R3HDM1: variants seen among roughly 807,000 people sequenced by gnomAD.
R3HDM1 encodes R3H domain-containing protein 1.
A neutral mutation model predicts 141.1 loss-of-function variants in R3HDM1; 46 were observed. The observed-to-expected ratio is 0.33, with a 90% CI of 0.26 to 0.42. The LOEUF (loss-of-function observed/expected upper bound fraction) is 0.42, where lower values mean the gene tolerates loss of function less well. Among genes scored for constraint, R3HDM1 ranks in the 10% least tolerant of loss-of-function variants. The pLI is 1.00. For missense variants in R3HDM1, 1,184 were observed against 1,368.3 expected (o/e 0.87, Z 2.12); for synonymous variants, 435 against 472.9 (o/e 0.92, Z 1.04).
intron 2 of R3HDM1, among the ~76,000 whole-genome samples, chr2:135,603,212 A>G (rs773506758): frequency 6.6e-6 from 1 of 151,960 alleles, no homozygotes; most frequent in Non-Finnish European, 1.5e-5. Context: ...CTGGTCTCAA[A>G]CTCTTGGCCT....
chr2:135,630,291 A>AC (rs1559291223), intron 7 of R3HDM1, among the ~76,000 whole-genome samples: 2 of 144,664 alleles, frequency 1.4e-5, no homozygotes, highest in African/African-American at 5.4e-5. Flanking sequence ...CAAAAAAAAA[A>AC]AAAAAAAAAA....
chr2:135,710,327 T>TTTAA, intron 23 of R3HDM1, 96 bp downstream of exon 23: 1 of 1,346,354 alleles, frequency 7.4e-7, no homozygotes. Context: ...GTCAGCCAGA[T>TTTAA]TAATAAAAGA....
At position 135,603,254 on chromosome 2, in the gene R3HDM1, C is replaced by G. The variant is rs536565945; in HGVS notation, c.-41+546C>G. Among the ~76,000 whole-genome samples, 3 of 152,264 alleles carry G rather than the reference C, an allele frequency of 2.0e-5. No homozygotes were observed. The South Asian group carries it at 6.2e-4, about 32-fold the overall frequency. On this transcript the variant is annotated intron_variant, in intron 2 of 26. Coordinates refer to ENST00000683871, the MANE Select transcript of R3HDM1 (RefSeq NM_001378107.1). ...ATACACCTGCCTCAGCCTCCTAATGCACTGGGATTACAGGTGTAAACCACT... is the reference window on the plus strand; with the variant it reads ...ATACACCTGCCTCAGCCTCCTAATGGACTGGGATTACAGGTGTAAACCACT...
At chr2:135,694,956 A>G (rs2073015956) in intron 21 of R3HDM1, among the ~76,000 whole-genome samples, 1 of 152,196 alleles carries the variant, frequency 6.6e-6, no homozygotes, top group Non-Finnish European at 1.5e-5. Context: ...TAATACAGGA[A>G]GCAACAAGTA....
At chr2:135,547,116 T>G (rs949691469) in intron 1 of R3HDM1, among the ~76,000 whole-genome samples, 3 of 152,222 alleles carry the variant, frequency 2.0e-5, no homozygotes, top group Non-Finnish European at 2.9e-5. Context: ...CCTATCATAT[T>G]GTTCAGTATG....
rs1325259165 is a variant in R3HDM1, at chr2:135,630,182, C to T, written c.498-1536C>T. 2.8e-5 allele frequency among the ~76,000 whole-genome samples: 4 copies of T among 141,786 alleles called. No homozygotes were observed. In the Admixed American group the frequency reaches 3.1e-4, roughly 11 times the overall value. The allele number at this position is 141,786 out of a possible 152,430, so 93.0% of individuals were successfully genotyped here. A position where few individuals can be genotyped will look rare whatever the true frequency, so the allele number is the denominator to read the frequency against. ...GTCCCAGCTAATCGGGAGGCTGAGG[C>T]AGGAGAATTGCTTGAACCTGAGAGG... On this transcript the variant is annotated intron_variant, in intron 7 of 26. Transcript: ENST00000683871.
chr2:135,674,179 C>T (rs903771083), intron 19 of R3HDM1, among the ~76,000 whole-genome samples: 1 of 152,134 alleles, frequency 6.6e-6, no homozygotes, highest in Non-Finnish European at 1.5e-5. Flanking sequence ...TATTTAGTCC[C>T]TGAGCAGAAT....
At chr2:135,559,900 CTTAAT>C (rs1346984810) in intron 1 of R3HDM1, among the ~76,000 whole-genome samples, 1 of 152,208 alleles carries the variant, frequency 6.6e-6, no homozygotes, top group Non-Finnish European at 1.5e-5. Flanking sequence ...GAGATACACT[CTTAAT>C]TTATGCTATG....
chr2:135,566,091 T>A (rs1702730276), intron 1 of R3HDM1, among the ~76,000 whole-genome samples: 1 of 152,232 alleles, frequency 6.6e-6, no homozygotes, highest in African/African-American at 2.4e-5. Context: ...TCCCAACAGA[T>A]ATATTTGAAA....
chr2:135,577,349 A>T (rs2105016019), intron 1 of R3HDM1: 1 of 282,142 alleles, frequency 3.5e-6, no homozygotes, highest in Admixed American at 7.8e-5. Context: ...ACTACACTTG[A>T]TTTTAGCCAA....
intron 2 of R3HDM1, among the ~76,000 whole-genome samples, chr2:135,603,862 C>T (rs1195564555): frequency 2.6e-5 from 4 of 152,312 alleles, no homozygotes; most frequent in Middle Eastern, 3.4e-3. Flanking sequence ...CCACCTTGGC[C>T]TCCCAAAGTG....
intron 18 of R3HDM1, among the ~76,000 whole-genome samples, chr2:135,659,339 C>T (rs1423791109): frequency 6.6e-6 from 1 of 152,070 alleles, no homozygotes; most frequent in East Asian, 1.9e-4. Flanking sequence ...TCAAGTGATC[C>T]ACCCACCTGA....
At position 135,720,135 on chromosome 2, in the gene R3HDM1, G is replaced by T. The variant is rs116064048; in HGVS notation, c.2882-1789G>T. On this transcript the variant is annotated intron_variant, in intron 24 of 26. Coordinates refer to ENST00000683871, the MANE Select transcript of R3HDM1 (RefSeq NM_001378107.1). ...TGGAATTACAGGCGTGAGCCACCGC[G>T]CCCGGCCTTCACAACTATTTTTTAT... Among the ~76,000 whole-genome samples the T allele has an allele frequency of 3.3e-3, 495 of 152,294 alleles. 2 individuals are homozygous for T. Among genetic ancestry groups the T allele is most frequent in the African/African-American group, 0.011 (467 of 41,572 alleles).
At chr2:135,619,715 C>T in intron 5 of R3HDM1, 9 of 964,054 alleles carry the variant, frequency 9.3e-6, no homozygotes, top group Non-Finnish European at 1.1e-5. Context: ...TGATGGTAGA[C>T]ACAGTTTCCA....
intron 20 of R3HDM1, among the ~76,000 whole-genome samples, chr2:135,676,343 T>C (rs1161407380): frequency 6.6e-6 from 1 of 152,184 alleles, no homozygotes; most frequent in African/African-American, 2.4e-5. Flanking sequence ...TTACAGATTT[T>C]AATTTATAGT....
At chr2:135,702,434 G>A (rs1368448140) in intron 21 of R3HDM1, among the ~76,000 whole-genome samples, 1 of 151,998 alleles carries the variant, frequency 6.6e-6, no homozygotes, top group Non-Finnish European at 1.5e-5. Context: ...GCCAAGGCTG[G>A]CGGATCACAA....
chr2:135,628,944 C>T (rs1237600802), intron 7 of R3HDM1, among the ~76,000 whole-genome samples: 1 of 151,344 alleles, frequency 6.6e-6, no homozygotes, highest in East Asian at 2.0e-4. Flanking sequence ...GCTTTTGATT[C>T]TCGTCTTTAT....
At chr2:135,586,195 G>A (rs977711952) in intron 1 of R3HDM1, 1 of 152,138 alleles carries the variant, frequency 6.6e-6, no homozygotes, top group African/African-American at 2.4e-5. Context: ...AGTTTCATGG[G>A]CTTTTGCATC....
chr2:135,712,285 A>G (rs1421163887), intron 23 of R3HDM1, among the ~76,000 whole-genome samples: 2 of 152,084 alleles, frequency 1.3e-5, no homozygotes, highest in Non-Finnish European at 2.9e-5. Flanking sequence ...TCATTTAGAG[A>G]CAGGGTCTGG....
Sources: allele counts gnomAD v4.1 joint callset (sites outside exome capture counted in the v4.1 genomes callset), GRCh38; gene constraint gnomAD v4.1.1; transcripts MANE v1.5; gene names NCBI Gene and HGNC (gene_info 2026-07-23, HGNC 2026-07-21).